Variants in CHL1 observed in about 807,000 individuals in gnomAD.
CHL1 encodes the protein neural cell adhesion molecule L1-like protein.
Under a neutral mutation model 141.9 loss-of-function variants are expected in CHL1, and 96 were observed. That is an observed-to-expected ratio of 0.68 (90% CI 0.57 to 0.80). The LOEUF (loss-of-function observed/expected upper bound fraction) is 0.80. CHL1 is among the 30% of genes least tolerant of loss of function. The pLI, the probability that CHL1 is intolerant of heterozygous loss-of-function variation, is 0.00. For synonymous variants in CHL1, 613 were observed against 502.2 expected, an observed-to-expected ratio of 1.22 and a Z score of -2.95; for missense variants, 1,820 against 1,457.2, an observed-to-expected ratio of 1.25 and a Z score of -4.05.
intron 1 of CHL1, among the ~76,000 whole-genome samples, chr3:226,528 C>T (rs1701369317): frequency 6.6e-6 from 1 of 151,592 alleles, no homozygotes; most frequent in Non-Finnish European, 1.5e-5. Flanking sequence ...TGCATCACCG[C>T]AACCTCCAAC....
At chr3:305,630 C>G (rs1413974615) in intron 2 of CHL1, among the ~76,000 whole-genome samples, 1 of 150,810 alleles carries the variant, frequency 6.6e-6, no homozygotes, top group East Asian at 1.9e-4. Context: ...TTTCACTTAA[C>G]AAAAAATAAT....
chr3:387,212 T>C (rs1251660442), intron 19 of CHL1, among the ~76,000 whole-genome samples: 2 of 152,206 alleles, frequency 1.3e-5, no homozygotes, highest in Non-Finnish European at 2.9e-5. Context: ...ATATCATTGG[T>C]TTCTCAGATC....
chr3:228,819 T>A (rs1296404675), intron 1 of CHL1, among the ~76,000 whole-genome samples: 2 of 152,192 alleles, frequency 1.3e-5, no homozygotes, highest in African/African-American at 4.8e-5. Flanking sequence ...CAAAATAGAA[T>A]GTCTTCTGGT....
chr3:224,424 A>G (rs1701139369), intron 1 of CHL1, among the ~76,000 whole-genome samples: 1 of 151,978 alleles, frequency 6.6e-6, no homozygotes, highest in Non-Finnish European at 1.5e-5. Flanking sequence ...CTGGTAGGAG[A>G]GGTGTTTGGG....
chr3:359,123 G>A (rs962684319), intron 11 of CHL1, among the ~76,000 whole-genome samples: 4 of 151,460 alleles, frequency 2.6e-5, no homozygotes, highest in African/African-American at 9.7e-5. Context: ...GTGGCCAAAT[G>A]TTGTGGGATG....
rs1219170628 is a variant in CHL1 at position 401,690 on chromosome 3, T to G, written c.3450T>G (p.Gly1150=). The G allele has an allele frequency of 6.4e-7, 1 of 1,567,178 alleles. No individual in the cohort carries two copies. Among genetic ancestry groups the G allele is most frequent in the Admixed American group, 1.8e-5 (1 of 55,182 alleles). Residue 1150 remains glycine, a synonymous_variant, in exon 27 of 28, where the codon GGT becomes GGG. Coordinates refer to ENST00000256509, the MANE Select transcript of CHL1 (RefSeq NM_006614.4). ...EIQSVKDETF[G]EYSDSDEKPL... is the part of the protein sequence containing the mutation. ...AGTCAGTAAAAGATGAAACCTTTGG[T>G]GAATACAGGTAAACATAAGGTTCTG...
At chr3:288,066 C>T (rs1697332581) in intron 2 of CHL1, among the ~76,000 whole-genome samples, 1 of 152,180 alleles carries the variant, frequency 6.6e-6, no homozygotes, top group African/African-American at 2.4e-5. Flanking sequence ...CTATGACCCG[C>T]CTTCACTGGA....
chr3:390,933 A>G (rs1231450626), intron 21 of CHL1, 22 bp from the exon 22 acceptor site: 3 of 1,605,416 alleles, frequency 1.9e-6, no homozygotes, highest in East Asian at 4.5e-5. Flanking sequence ...GATATACTAA[A>G]AGATTTTGGT....
intron 2 of CHL1, chr3:247,505 G>A (rs1331394382): frequency 6.6e-6 from 1 of 152,078 alleles, no homozygotes; most frequent in Non-Finnish European, 1.5e-5. Flanking sequence ...CGCTTTGTAA[G>A]TGTAGAGGTG....
intron 24 of CHL1, among the ~76,000 whole-genome samples, chr3:397,094 A>T (rs143307871): frequency 1.3e-5 from 2 of 152,238 alleles, no homozygotes; most frequent in East Asian, 3.9e-4. Flanking sequence ...CTAAGAGGGG[A>T]AAAGATGGAG....
chr3:241,601 G>C (rs13064013), intron 1 of CHL1, among the ~76,000 whole-genome samples: 3 of 149,674 alleles, frequency 2.0e-5, no homozygotes, highest in Non-Finnish European at 4.4e-5. Context: ...TTTTTACTTT[G>C]CCTCAAGTCA....
rs1200433425 is a variant in CHL1, at chr3:319,774, G to T, written c.-3G>T. 5 of 1,596,342 alleles carry T rather than the reference G, an allele frequency of 3.1e-6. No homozygotes were observed. Among genetic ancestry groups the T allele is most frequent in the Non-Finnish European group, 4.3e-6 (5 of 1,166,660 alleles). On this transcript the variant is annotated 5_prime_UTR_variant, in exon 3 of 28. Coordinates refer to ENST00000256509, the MANE Select transcript of CHL1 (RefSeq NM_006614.4). ...TACCGGGTTGTCTTCTTCCTGAAGA[G>T]CAATGGAGCCGCTTTTACTTGGAAG... is the stretch of plus-strand genomic sequence containing the variant.
chr3:239,117 G>C (rs1692289279), intron 1 of CHL1, among the ~76,000 whole-genome samples: 1 of 152,216 alleles, frequency 6.6e-6, no homozygotes, highest in East Asian at 1.9e-4. Context: ...GGGGAACCCG[G>C]AGACTGATCT....
intron 2 of CHL1, among the ~76,000 whole-genome samples, chr3:318,527 A>G (rs997267689): frequency 6.6e-6 from 1 of 151,798 alleles, no homozygotes; most frequent in Non-Finnish European, 1.5e-5. Flanking sequence ...TATTAACACA[A>G]TGTTTCAGAA....
At chr3:256,299 A>G (rs949517496) in intron 2 of CHL1, among the ~76,000 whole-genome samples, 1 of 152,190 alleles carries the variant, frequency 6.6e-6, no homozygotes, top group Non-Finnish European at 1.5e-5. Context: ...ATAGCATGCA[A>G]TTTTTACTTA....
At chr3:234,986 T>TTTATTATTA in intron 1 of CHL1, among the ~76,000 whole-genome samples, 1 of 103,226 alleles carries the variant, frequency 9.7e-6, no homozygotes, top group Non-Finnish European at 2.3e-5. Context: ...TAATTCTTTT[T>TTTATTATTA]TTATTACTAT....
chr3:359,031 T>A (rs1703970842), intron 11 of CHL1, among the ~76,000 whole-genome samples: 1 of 147,918 alleles, frequency 6.8e-6, no homozygotes, highest in Admixed American at 6.8e-5. Context: ...TATATTTATA[T>A]CTATATATAT....
At chr3:219,979 T>C (rs1306979007) in intron 1 of CHL1, among the ~76,000 whole-genome samples, 1 of 152,218 alleles carries the variant, frequency 6.6e-6, no homozygotes, top group Non-Finnish European at 1.5e-5. Flanking sequence ...CATCATTGAA[T>C]AATACTTAGT....
chr3:222,043 AAGT>A (rs1274272684), intron 1 of CHL1, among the ~76,000 whole-genome samples: 1 of 152,216 alleles, frequency 6.6e-6, no homozygotes, highest in Non-Finnish European at 1.5e-5. Flanking sequence ...AACTAAAAAG[AAGT>A]ACAAAATATT....
Sources: allele counts gnomAD v4.1 joint callset (sites outside exome capture counted in the v4.1 genomes callset), GRCh38; gene constraint gnomAD v4.1.1; transcripts MANE v1.5; gene names NCBI Gene and HGNC (gene_info 2026-07-23, HGNC 2026-07-21).